SYNRG: variants seen among roughly 807,000 people sequenced by gnomAD.
The protein encoded by SYNRG is AP1 gamma subunit binding protein 1.
A neutral mutation model predicts 130.9 loss-of-function variants in SYNRG; 37 were observed. The observed-to-expected ratio is 0.28, with a 90% confidence interval of 0.22 to 0.37. The LOEUF is 0.37. Among genes scored for constraint, SYNRG ranks in the 10% least tolerant of loss-of-function variants. The pLI, the probability that SYNRG is intolerant of heterozygous loss-of-function variation, is 1.00. For synonymous variants in SYNRG, 539 were observed against 568.1 expected (o/e 0.95, Z 0.73); for missense variants, 1,338 against 1,588.9 (o/e 0.84, Z 2.68).
At chr17:37,549,258 C>A (rs1333686344) in intron 14 of SYNRG, among the ~76,000 whole-genome samples, 2 of 151,902 alleles carry the variant, frequency 1.3e-5, no homozygotes, top group Non-Finnish European at 2.9e-5. Context: ...ATGGAAATAT[C>A]CCCTTTCCCA....
intron 1 of SYNRG, 25 bp from the exon 2 acceptor site, chr17:37,600,428 A>G: frequency 6.2e-7 from 1 of 1,611,544 alleles, no homozygotes; most frequent in Non-Finnish European, 8.5e-7. Context: ...AAAATACATT[A>G]TAATCTTCGT....
At position 37,518,843 on chromosome 17, in the gene SYNRG, A is replaced by G; in HGVS notation, c.*97T>C. On this transcript the variant is annotated 3_prime_UTR_variant, in exon 22 of 22. Coordinates refer to ENST00000612223, the MANE Select transcript of SYNRG (RefSeq NM_007247.6). ...CGGTGTTCTTCATATCGATTCAGGG[A>G]AGCGAACTGTGCAGTGCTCGCATTC... The G allele has an allele frequency of 6.7e-7, 1 of 1,501,918 alleles. No homozygotes were observed. Among genetic ancestry groups the G allele is most frequent in the African/African-American group, 1.4e-5 (1 of 71,856 alleles). The allele number at this position is 1,501,918 out of a possible 1,614,324, so 93.0% of individuals were successfully genotyped here.
chr17:37,530,642 T>C (rs942489034), intron 19 of SYNRG, among the ~76,000 whole-genome samples: 1 of 152,234 alleles, frequency 6.6e-6, no homozygotes, highest in Non-Finnish European at 1.5e-5. Flanking sequence ...TCATAACAGT[T>C]AACCAATCCA....
In SYNRG at chr17:37,566,439, T is replaced by G. The variant is rs1598392485; in HGVS notation, c.1481+2352A>C. On this transcript the variant is annotated intron_variant, in intron 11 of 21. Coordinates refer to ENST00000612223, the MANE Select transcript of SYNRG (RefSeq NM_007247.6). The stretch of plus-strand genomic sequence containing the variant: ...GTTAAACAGATGCTTGAAGGCAGCA[T>G]GCTCGTTAAGAGTCATCACCACTCC... Among the ~76,000 whole-genome samples, 3 of 146,622 alleles carry G rather than the reference T, an allele frequency of 2.0e-5. No homozygotes were observed. The Admixed American group carries it at 2.1e-4, about 10-fold the overall frequency.
intron 14 of SYNRG, among the ~76,000 whole-genome samples, chr17:37,550,420 C>T (rs2058622157): frequency 6.6e-6 from 1 of 152,158 alleles, no homozygotes; most frequent in Admixed American, 6.5e-5. Context: ...TCTTAGGATA[C>T]TATTGCTTTA....
rs1244988111 is a variant in SYNRG, at chr17:37,548,842, A to AC, written c.2608+4272_2608+4273insG. Among the ~76,000 whole-genome samples the AC allele has an allele frequency of 9.5e-3, 1,418 of 149,482 alleles. 14 individuals are homozygous for AC. Among genetic ancestry groups the AC allele is most frequent in the African/African-American group, 0.033 (1,347 of 40,428 alleles). Reference sequence around the variant, plus strand: ...CTCTGTCTTAAAAAAAAAAAAAAAAAACACACAAAAAAACGGGCGTGGTGG... The same window carrying AC: ...CTCTGTCTTAAAAAAAAAAAAAAAAACACACACAAAAAAACGGGCGTGGTGG... On this transcript the variant is annotated intron_variant, in intron 14 of 21. Coordinates refer to ENST00000612223, the MANE Select transcript of SYNRG (RefSeq NM_007247.6).
rs979737804 is a variant in SYNRG at position 37,518,804 on chromosome 17, G to T, written c.*136C>A. ...GCAGACTGGCCGTGGGGATGACGGGGGCCCCGTCCCTTGCGGTGTTCTTCA... is the reference window on the plus strand; with the variant it reads ...GCAGACTGGCCGTGGGGATGACGGGTGCCCCGTCCCTTGCGGTGTTCTTCA... On this transcript the variant is annotated 3_prime_UTR_variant, in exon 22 of 22. Coordinates refer to ENST00000612223, the MANE Select transcript of SYNRG (RefSeq NM_007247.6). 1.0e-4 allele frequency: 132 copies of T among 1,313,874 alleles called. 1 individual carries two copies. In the Admixed American group the frequency reaches 3.2e-3, roughly 32 times the overall value. 81.4% of individuals were successfully genotyped at this position (1,313,874 alleles called of 1,614,324 possible).
chr17:37,549,632 C>CCA (rs2058564080), intron 14 of SYNRG, among the ~76,000 whole-genome samples: 2 of 152,110 alleles, frequency 1.3e-5, no homozygotes, highest in Admixed American at 1.3e-4. Context: ...GCTCTGTCAC[C>CCA]CAGGCTGGAG....
intron 6 of SYNRG, among the ~76,000 whole-genome samples, chr17:37,582,704 T>C (rs867829483): frequency 1.3e-5 from 2 of 152,056 alleles, no homozygotes; most frequent in Middle Eastern, 3.4e-3. Flanking sequence ...CTACAAAAAA[T>C]ACAAAAATTA....
chr17:37,560,808 G>A (rs187351080), intron 13 of SYNRG, among the ~76,000 whole-genome samples: 3 of 151,422 alleles, frequency 2.0e-5, no homozygotes, highest in Non-Finnish European at 2.9e-5. Context: ...GGGACTACAG[G>A]TGCGCACCAT....
intron 19 of SYNRG, among the ~76,000 whole-genome samples, chr17:37,524,716 C>G (rs1007525368): frequency 1.3e-5 from 2 of 152,260 alleles, no homozygotes; most frequent in East Asian, 3.8e-4. Flanking sequence ...ACACCTCTCT[C>G]CCATTTCTAT....
intron 13 of SYNRG, among the ~76,000 whole-genome samples, chr17:37,560,690 T>TG (rs1349816156): frequency 6.7e-6 from 1 of 149,046 alleles, no homozygotes; most frequent in African/African-American, 2.5e-5. Flanking sequence ...TTTTTTGAGA[T>TG]GGAGTCTTGC....
intron 19 of SYNRG, among the ~76,000 whole-genome samples, chr17:37,531,346 G>T (rs2056614469): frequency 6.6e-6 from 1 of 152,056 alleles, no homozygotes; most frequent in Non-Finnish European, 1.5e-5. Context: ...CTACAGGGAG[G>T]GTTTGTGCAA....
chr17:37,530,213 A>G (rs560374155), intron 19 of SYNRG, among the ~76,000 whole-genome samples: 6 of 152,188 alleles, frequency 3.9e-5, no homozygotes, highest in Non-Finnish European at 8.8e-5. Flanking sequence ...GAGAAAGTTG[A>G]CTTCTGACTT....
At chr17:37,567,149 G>C (rs1282061693) in intron 11 of SYNRG, 1 of 152,272 alleles carries the variant, frequency 6.6e-6, no homozygotes, top group East Asian at 1.9e-4. Context: ...AAAGAACATG[G>C]TCAGTTTGGA....
chr17:37,519,774 G>GTCTT (rs1221664716), intron 21 of SYNRG, among the ~76,000 whole-genome samples: 3 of 152,320 alleles, frequency 2.0e-5, no homozygotes, highest in East Asian at 3.9e-4. Context: ...CCTGGGGTTA[G>GTCTT]TTTTCTAATA....
At chr17:37,545,062 A>G (rs2058150641) in intron 14 of SYNRG, among the ~76,000 whole-genome samples, 1 of 151,904 alleles carries the variant, frequency 6.6e-6, no homozygotes, top group African/African-American at 2.4e-5. Context: ...TCTACTAAAA[A>G]TACAAAATTA....
chr17:37,608,156 G>GGAAAT (rs2063979260), intron 1 of SYNRG, among the ~76,000 whole-genome samples: 2 of 151,564 alleles, frequency 1.3e-5, no homozygotes, highest in Admixed American at 6.6e-5. Context: ...GATGTGCAGA[G>GGAAAT]GAAATGAAAA....
Position 37,553,649 on chromosome 17 carries a change from C to T in SYNRG, c.2074G>A (p.Ala692Thr). The change falls in exon 14 of 22, where the codon GCA becomes ACA. Residue 692 changes from alanine (A) to threonine (T), a missense_variant. Transcript: ENST00000612223. The stretch of plus-strand genomic sequence containing the variant: ...CTATTACTGAAAGCCATAAAATCTG[C>T]AAAGTCATCCTGCTCCCCAACAGGT... ...LAPVGEQDDFADFMAFSNSSI... is the reference protein window; with the variant it reads ...LAPVGEQDDFTDFMAFSNSSI... 6 of 1,613,986 alleles carry T rather than the reference C, an allele frequency of 3.7e-6. No homozygotes were observed. The highest frequency in any genetic ancestry group is 5.1e-6 in the Non-Finnish European group (6 of 1,179,980).
Sources: gnomAD v4.1 joint callset for allele counts (sites outside exome capture counted in the v4.1 genomes callset) on GRCh38, gnomAD v4.1.1 for gene constraint, MANE v1.5 for transcripts, NCBI Gene and HGNC (gene_info 2026-07-23, HGNC 2026-07-21) for gene names.